Variants in ADAMTS9 observed in about 807,000 individuals in gnomAD.
The protein encoded by ADAMTS9 is A disintegrin and metalloproteinase with thrombospondin motifs 9.
ADAMTS9 carries 107 observed loss-of-function variants against 257.1 expected under a neutral mutation model. The ratio of observed to expected loss-of-function variants is 0.42; its 90% CI spans 0.36 to 0.49. The LOEUF (loss-of-function observed/expected upper bound fraction) is 0.49. Ranked by LOEUF, ADAMTS9 falls within the 20% of genes least tolerant of loss-of-function variation. The pLI is 0.03. For missense variants in ADAMTS9, 2,353 were observed against 2,469.1 expected, an observed-to-expected ratio of 0.95 and a Z score of 1.00; for synonymous variants, 982 against 880.9, an observed-to-expected ratio of 1.11 and a Z score of -2.03.
At chr3:64,547,360 CA>C (rs2083214768) in intron 31 of ADAMTS9, among the ~76,000 whole-genome samples, 2 of 152,096 alleles carry the variant, frequency 1.3e-5, no homozygotes, top group Non-Finnish European at 2.9e-5. Flanking sequence ...GAGACAGCAG[CA>C]GCTGACCCGT....
intron 27 of ADAMTS9, 50 bp from the exon 28 acceptor site, chr3:64,594,484 G>A (rs1438927605): frequency 6.3e-7 from 1 of 1,589,016 alleles, no homozygotes; most frequent in South Asian, 1.1e-5. Flanking sequence ...AAAGGCCAAT[G>A]ACAAATTTCC....
At chr3:64,565,634 G>C (rs924764851) in intron 29 of ADAMTS9, 1 of 152,080 alleles carries the variant, frequency 6.6e-6, no homozygotes, top group African/African-American at 2.4e-5. Flanking sequence ...ACTCTATAGC[G>C]ATAGGATAAG....
At chr3:64,634,405 C>T (rs537769588) in intron 12 of ADAMTS9, among the ~76,000 whole-genome samples, 46 of 152,260 alleles carry the variant, frequency 3.0e-4, no homozygotes, top group Non-Finnish European at 3.4e-4. Flanking sequence ...CTCCAGACAA[C>T]CATTGTTTTT....
intron 8 of ADAMTS9, 59 bp downstream of exon 8, chr3:64,654,294 G>A (rs1009108704): frequency 1.1e-5 from 16 of 1,500,816 alleles, no homozygotes; most frequent in South Asian, 7.1e-5. Flanking sequence ...TCACTGATGC[G>A]AAGGAATAAA....
At chr3:64,656,547 G>A (rs950360694) in intron 4 of ADAMTS9, among the ~76,000 whole-genome samples, 12 of 152,124 alleles carry the variant, frequency 7.9e-5, no homozygotes, top group Non-Finnish European at 1.6e-4. Context: ...TCACTTGTCT[G>A]AGGCTACACA....
chr3:64,647,701 G>A (rs143347723), intron 11 of ADAMTS9, among the ~76,000 whole-genome samples: 1 of 152,328 alleles, frequency 6.6e-6, no homozygotes, highest in East Asian at 1.9e-4. Flanking sequence ...TAAGTTGACA[G>A]AATGTCTTAA....
intron 12 of ADAMTS9, among the ~76,000 whole-genome samples, 199 bp downstream of exon 12, chr3:64,641,649 G>C (rs1700645335): frequency 6.6e-6 from 1 of 151,716 alleles, no homozygotes; most frequent in Non-Finnish European, 1.5e-5. Flanking sequence ...AATAACAAAG[G>C]ATCTTGAGAG....
chr3:64,566,721 G>C (rs1350218966), intron 29 of ADAMTS9, among the ~76,000 whole-genome samples: 1 of 151,548 alleles, frequency 6.6e-6, no homozygotes. Flanking sequence ...AATATTCAGA[G>C]GTAAATAAAA....
chr3:64,624,437 T>C (rs536028108), intron 16 of ADAMTS9, among the ~76,000 whole-genome samples: 102 of 152,272 alleles, frequency 6.7e-4, no homozygotes, highest in South Asian at 3.5e-3. Flanking sequence ...ACCTTAAATA[T>C]ATGCAATTTT....
intron 3 of ADAMTS9, among the ~76,000 whole-genome samples, chr3:64,659,529 G>A (rs1274500723): frequency 6.6e-6 from 1 of 150,668 alleles, no homozygotes; most frequent in Non-Finnish European, 1.5e-5. Flanking sequence ...GCTATTCAAT[G>A]AGTTCTAATA....
intron 38 of ADAMTS9, among the ~76,000 whole-genome samples, chr3:64,524,332 T>G (rs1337459367): frequency 1.3e-5 from 2 of 152,222 alleles, no homozygotes; most frequent in Non-Finnish European, 2.9e-5. Context: ...GAGAAAACTC[T>G]GATAGAATTC....
At chr3:64,593,852 A>C (rs1473418353) in intron 28 of ADAMTS9, among the ~76,000 whole-genome samples, 2 of 152,206 alleles carry the variant, frequency 1.3e-5, no homozygotes, top group Middle Eastern at 3.2e-3. Flanking sequence ...CTTTGGCCTC[A>C]GTAAGCAGGT....
chr3:64,584,486 CAT>C lies in ADAMTS9; in HGVS notation c.4356+9770_4356+9771del, dbSNP rs1466010819. Among the ~76,000 whole-genome samples the C allele has an allele frequency of 4.6e-5, 7 of 152,202 alleles. No homozygotes were observed. The East Asian group carries it at 1.4e-3, about 29-fold the overall frequency. On this transcript the variant is annotated intron_variant, in intron 28 of 39. Coordinates refer to ENST00000498707, the MANE Select transcript of ADAMTS9 (RefSeq NM_182920.2). ...CCACACCCCACTCCCTTTTTTATCA[CAT>C]TACAGTGCAAATCTCAGATTAAAAA...
chr3:64,619,156 C>A (rs539368422), intron 19 of ADAMTS9, among the ~76,000 whole-genome samples: 1 of 152,068 alleles, frequency 6.6e-6, no homozygotes, highest in African/African-American at 2.4e-5. Flanking sequence ...ACCATCTGTG[C>A]GATCATAGGA....
chr3:64,589,153 T>C (rs1352035047), intron 28 of ADAMTS9: 1 of 152,230 alleles, frequency 6.6e-6, no homozygotes, highest in East Asian at 1.9e-4. Flanking sequence ...AATGTATCTG[T>C]AAAATGAAAG....
intron 3 of ADAMTS9, among the ~76,000 whole-genome samples, chr3:64,669,134 GC>G (rs1246518577): frequency 6.6e-6 from 1 of 152,096 alleles, no homozygotes; most frequent in Non-Finnish European, 1.5e-5. Context: ...CTCAGAAAAG[GC>G]TTGATTGGTT....
At chr3:64,607,882 C>T (rs2084587542) in intron 22 of ADAMTS9, among the ~76,000 whole-genome samples, 1 of 152,036 alleles carries the variant, frequency 6.6e-6, no homozygotes, top group African/African-American at 2.4e-5. Flanking sequence ...TAAAGAGAGA[C>T]CATACGTTAG....
chr3:64,654,722 G>C, intron 6 of ADAMTS9, 110 bp from the exon 7 acceptor site: 1 of 1,271,252 alleles, frequency 7.9e-7, no homozygotes, highest in Non-Finnish European at 1.1e-6. Flanking sequence ...TTTGGGGTGG[G>C]GGTTAAAAAA....
intron 28 of ADAMTS9, chr3:64,583,738 CTG>C (rs1284514324): frequency 1.3e-5 from 2 of 152,152 alleles, no homozygotes; most frequent in African/African-American, 4.8e-5. Context: ...GTTCTCAAAA[CTG>C]AATTGATTCA....
Sources: gnomAD v4.1 joint callset for allele counts (sites outside exome capture counted in the v4.1 genomes callset) on GRCh38, gnomAD v4.1.1 for gene constraint, MANE v1.5 for transcripts, NCBI Gene and HGNC (gene_info 2026-07-23, HGNC 2026-07-21) for gene names.